Variants in PDZD2 observed in about 807,000 individuals in gnomAD.
The protein encoded by PDZD2 is PDZ domain containing 2.
PDZD2 carries 90 observed loss-of-function variants against 220.7 expected under a neutral mutation model. The observed-to-expected ratio is 0.41, with a 90% confidence interval of 0.34 to 0.49. The LOEUF is 0.49. Ranked by LOEUF, PDZD2 falls within the 20% of genes least tolerant of loss-of-function variation. The pLI, the probability that PDZD2 is intolerant of heterozygous loss-of-function variation, is 0.28. For missense variants in PDZD2, 3,174 were observed against 3,608.5 expected (o/e 0.88, Z 3.08); for synonymous variants, 1,375 against 1,450.5 (o/e 0.95, Z 1.18).
intron 24 of PDZD2, among the ~76,000 whole-genome samples, chr5:32,102,228 C>T (rs1342152052): frequency 1.3e-5 from 2 of 151,990 alleles, no homozygotes; most frequent in Admixed American, 6.6e-5. Context: ...CCAGAGGAAG[C>T]GGAGGATGAC....
At chr5:32,043,141 A>C (rs1176960642) in intron 7 of PDZD2, among the ~76,000 whole-genome samples, 1 of 152,174 alleles carries the variant, frequency 6.6e-6, no homozygotes, top group East Asian at 1.9e-4. Flanking sequence ...ATCAATACAG[A>C]TATGGGGAGG....
intron 1 of PDZD2, among the ~76,000 whole-genome samples, chr5:31,692,266 TC>T (rs1747173167): frequency 6.6e-6 from 1 of 151,982 alleles, no homozygotes; most frequent in South Asian, 2.1e-4. Flanking sequence ...GAGTGCGGGG[TC>T]CGCGGAGCCT....
intron 2 of PDZD2, among the ~76,000 whole-genome samples, chr5:31,915,551 G>T (rs1374093928): frequency 6.6e-6 from 1 of 152,192 alleles, no homozygotes; most frequent in Non-Finnish European, 1.5e-5. Context: ...GCATTTCTGG[G>T]TTTGGGAGAA....
intron 1 of PDZD2, among the ~76,000 whole-genome samples, chr5:31,659,075 G>C (rs138911803): frequency 2.0e-3 from 300 of 152,198 alleles, no homozygotes; most frequent in African/African-American, 6.8e-3. Context: ...GGTTGGCACT[G>C]CTCTTTTATG....
chr5:31,694,605 G>A (rs1157946956), intron 1 of PDZD2, among the ~76,000 whole-genome samples: 2 of 152,144 alleles, frequency 1.3e-5, no homozygotes, highest in Non-Finnish European at 2.9e-5. Flanking sequence ...CAGCACCTGT[G>A]AGGAAGGAGG....
At position 32,074,270 on chromosome 5, in the gene PDZD2, A is replaced by C; in HGVS notation, c.3164A>C (p.Tyr1055Ser). Residue 1055 changes from tyrosine to serine, a missense_variant, in exon 18 of 25, where the codon TAT becomes TCT. By Grantham distance (144) the Tyr-to-Ser change is moderately radical. Transcript: ENST00000438447. ...IPEGMVDAASYAANLTDSAEA... is the reference protein window; with the variant it reads ...IPEGMVDAASSAANLTDSAEA... The stretch of plus-strand genomic sequence containing the variant: ...GAGGGCATGGTGGATGCTGCGTCCT[A>C]TGCAGCCAACCTCACGGACTCTGCA... 6.2e-7 allele frequency: 1 copy of C among 1,614,150 alleles called. No individual in the cohort carries two copies. Among genetic ancestry groups the C allele is most frequent in the East Asian group, 2.2e-5 (1 of 44,876 alleles).
intron 2 of PDZD2, among the ~76,000 whole-genome samples, chr5:31,892,619 G>A (rs1741143862): frequency 6.6e-6 from 1 of 151,972 alleles, no homozygotes; most frequent in African/African-American, 2.4e-5. Context: ...CCAGGCTGGA[G>A]TGCAGTGGCG....
intron 1 of PDZD2, among the ~76,000 whole-genome samples, chr5:31,732,652 G>A (rs1336808014): frequency 6.6e-6 from 1 of 152,252 alleles, no homozygotes; most frequent in East Asian, 1.9e-4. Context: ...CCATTTCTAA[G>A]AGAGCTGAGA....
chr5:31,676,601 C>G (rs1263569233), intron 1 of PDZD2, among the ~76,000 whole-genome samples: 1 of 147,492 alleles, frequency 6.8e-6, no homozygotes, highest in Non-Finnish European at 1.5e-5. Flanking sequence ...GAGTCTCGCT[C>G]TGTCACCCAT....
chr5:31,892,929 G>A (rs1413737141), intron 2 of PDZD2, among the ~76,000 whole-genome samples: 5 of 152,160 alleles, frequency 3.3e-5, no homozygotes, highest in African/African-American at 4.8e-5. Flanking sequence ...GTAGACACAC[G>A]CAGTGCTACA....
chr5:32,038,776 T>C (rs1755768974), intron 7 of PDZD2, among the ~76,000 whole-genome samples: 1 of 152,150 alleles, frequency 6.6e-6, no homozygotes, highest in South Asian at 2.1e-4. Flanking sequence ...TTTTGAAGCC[T>C]GGCAGAACTA....
At chr5:31,855,202 G>A (rs1361482865) in intron 2 of PDZD2, 3 of 785,458 alleles carry the variant, frequency 3.8e-6, no homozygotes, top group Admixed American at 1.2e-4. Context: ...AAAGCCTCAG[G>A]TTTTCTGATC....
At chr5:31,823,275 G>T in intron 2 of PDZD2, 1 of 325,282 alleles carries the variant, frequency 3.1e-6, no homozygotes. Context: ...GACCAGCTGG[G>T]CCAAGGCATG....
chr5:31,820,253 A>G (rs567058360), intron 2 of PDZD2, among the ~76,000 whole-genome samples: 17 of 152,322 alleles, frequency 1.1e-4, no homozygotes, highest in Admixed American at 1.0e-3. Context: ...CCCACTCCTC[A>G]GCCCAAGCAC....
chr5:32,089,092 G>C lies in PDZD2; in HGVS notation c.5644G>C (p.Gly1882Arg). 1.2e-6 allele frequency: 2 copies of C among 1,614,050 alleles called. No homozygotes were observed. The highest frequency in any genetic ancestry group is 1.7e-6 in the Non-Finnish European group (2 of 1,180,008). The stretch of plus-strand genomic sequence containing the variant: ...GACTAATGGTCAGAAGGCAAAGTGT[G>C]GTCCGAAGCTGAAGAGGCTCAGCCT... Reference protein sequence around the residue: ...LLTNGQKAKCGPKLKRLSLKG... With the variant: ...LLTNGQKAKCRPKLKRLSLKG... Residue 1882 changes from glycine (G) to arginine (R), a missense_variant, in exon 20 of 25, where the codon GGT becomes CGT. By Grantham distance (125) the Gly-to-Arg change is moderately radical. Around this residue, in one of 4 missense-constraint regions of PDZD2, gnomAD observed 1,861 missense variants for 2,001.0 expected, o/e 0.93. Coordinates refer to ENST00000438447, the MANE Select transcript of PDZD2 (RefSeq NM_178140.4).
rs142919977 is a variant in PDZD2 at position 32,089,180 on chromosome 5, C to T, written c.5732C>T (p.Thr1911Met). ...GCGAATGCTGTGAAGGCTGGGGGGA[C>T]GGACCACAGGAAACCCTTGATCTCA... Reference protein sequence around the residue: ...PAANAVKAGGTDHRKPLISPQ... With the variant: ...PAANAVKAGGMDHRKPLISPQ... The change falls in exon 20 of 25, where the codon ACG (threonine) becomes ATG (methionine). Residue 1911 changes from threonine (T) to methionine (M), a missense_variant. By Grantham distance (81) the Thr-to-Met change is moderately conservative. Around this residue, in one of 4 missense-constraint regions of PDZD2, gnomAD observed 1,861 missense variants for 2,001.0 expected, o/e 0.93. Coordinates refer to ENST00000438447, the MANE Select transcript of PDZD2 (RefSeq NM_178140.4). 46 of 1,614,098 alleles carry T rather than the reference C, an allele frequency of 2.8e-5. No individual in the cohort carries two copies. Among genetic ancestry groups the T allele is most frequent in the African/African-American group, 2.5e-4 (19 of 75,012 alleles).
In PDZD2 at chr5:32,090,779, A is replaced by T; in HGVS notation, c.7331A>T (p.Lys2444Ile). The T allele has an allele frequency of 6.2e-7, 1 of 1,614,098 alleles. No homozygotes were observed. The change falls in exon 20 of 25, where the codon AAA becomes ATA. Residue 2444 changes from lysine to isoleucine, a missense_variant. By Grantham distance (102) the Lys-to-Ile change is moderately radical (BLOSUM62 -3). Transcript: ENST00000438447. This position sits in a 1 kb window ranked among gnomAD's most constrained non-coding sequence, Gnocchi z 4.3. The part of the protein sequence containing the change: ...SSKGSDSELK[K>I]SLGPLGIPTP... Reference sequence around the variant, plus strand: ...AAGGGCTCTGATTCGGAACTAAAGAAATCACTTGGTCCTTTGGGAATTCCC... The same window carrying T: ...AAGGGCTCTGATTCGGAACTAAAGATATCACTTGGTCCTTTGGGAATTCCC...
intron 7 of PDZD2, among the ~76,000 whole-genome samples, chr5:32,042,104 A>C (rs918292989): frequency 1.3e-5 from 2 of 150,748 alleles, no homozygotes; most frequent in Non-Finnish European, 3.0e-5. Context: ...AAATACAAAA[A>C]CAAAAAAATT....
intron 1 of PDZD2, among the ~76,000 whole-genome samples, chr5:31,737,337 T>C (rs1365531841): frequency 2.7e-5 from 4 of 150,790 alleles, no homozygotes; most frequent in Non-Finnish European, 3.0e-5. Flanking sequence ...CACGCCCAGC[T>C]AATTTGTTGT....
Sources: gnomAD v4.1 joint callset for allele counts (sites outside exome capture counted in the v4.1 genomes callset) on GRCh38, gnomAD v4.1.1 for gene constraint, gnomAD v4.1.1 regional missense constraint, Gnocchi (gnomAD v3.1) non-coding constraint, MANE v1.5 for transcripts, NCBI Gene and HGNC (gene_info 2026-07-23, HGNC 2026-07-21) for gene names.